EPHA5: variants seen among roughly 807,000 people sequenced by gnomAD.
EPHA5 encodes EPH receptor A5.
Under a neutral mutation model 105.0 loss-of-function variants are expected in EPHA5, and 60 were observed. The ratio of observed to expected loss-of-function variants is 0.57; its 90% CI spans 0.46 to 0.71. EPHA5 has a LOEUF of 0.71. Among genes scored for constraint, EPHA5 ranks in the 30% least tolerant of loss-of-function variants. The pLI is 0.00. For synonymous variants in EPHA5, 513 were observed against 449.1 expected, an observed-to-expected ratio of 1.14 and a Z score of -1.80; for missense variants, 1,218 against 1,274.7, an observed-to-expected ratio of 0.96 and a Z score of 0.68.
At chr4:65,337,060 C>T (rs993637743) in intron 14 of EPHA5, among the ~76,000 whole-genome samples, 1 of 151,862 alleles carries the variant, frequency 6.6e-6, no homozygotes, top group Non-Finnish European at 1.5e-5. Flanking sequence ...AGGAAATTTA[C>T]AAAGATAATT....
intron 16 of EPHA5, among the ~76,000 whole-genome samples, chr4:65,328,079 T>C (rs1577815701): frequency 6.6e-6 from 1 of 151,216 alleles, no homozygotes; most frequent in East Asian, 1.9e-4. Context: ...CTTAAGTATG[T>C]TCCCATTATA....
At chr4:65,455,462 T>A (rs1270662857) in intron 5 of EPHA5, among the ~76,000 whole-genome samples, 1 of 152,090 alleles carries the variant, frequency 6.6e-6, no homozygotes, top group Non-Finnish European at 1.5e-5. Flanking sequence ...TATTGATCAT[T>A]TCTTAGTGGT....
chr4:65,651,638 C>T (rs1458286332), intron 1 of EPHA5, among the ~76,000 whole-genome samples: 1 of 151,906 alleles, frequency 6.6e-6, no homozygotes, highest in African/African-American at 2.4e-5. Context: ...TTTTTTATTT[C>T]AAAATATTTT....
intron 5 of EPHA5, among the ~76,000 whole-genome samples, chr4:65,469,656 G>T (rs1452666446): frequency 3.3e-5 from 5 of 152,062 alleles, no homozygotes; most frequent in Non-Finnish European, 7.4e-5. Context: ...CACAGATTTT[G>T]TCTCTGTTTC....
rs2149440300 is a variant in EPHA5, at chr4:65,602,065, A to T, written c.486T>A (p.Asn162Lys). 6.2e-7 allele frequency: 1 copy of T among 1,614,066 alleles called. No homozygotes were observed. The highest frequency in any genetic ancestry group is 2.2e-5 in the East Asian group (1 of 44,870). ...NMYYFESDDQNGRNIKENQYI... is the reference protein window; with the variant it reads ...NMYYFESDDQKGRNIKENQYI... ...ATTGGTTTTCCTTGATGTTTCTCCC[A>T]TTCTGATCATCTGACTCAAAGTAAT... The change falls in exon 3 of 17, where the codon AAT (asparagine) becomes AAA (lysine). Residue 162 changes from asparagine to lysine, a missense_variant. Asn to Lys is a moderately conservative substitution (Grantham distance 94, BLOSUM62 0). This residue lies in a region of EPHA5 where 233 missense variants were observed against 227.5 expected (regional missense o/e 1.02). Transcript: ENST00000613740.
intron 3 of EPHA5, among the ~76,000 whole-genome samples, chr4:65,507,541 A>C (rs533223747): frequency 4.3e-4 from 65 of 151,988 alleles, no homozygotes; most frequent in Middle Eastern, 3.4e-3. Flanking sequence ...CTTTTATTTC[A>C]TTGAGCAGTG....
At position 65,669,691 on chromosome 4, in the gene EPHA5, C is replaced by T. The variant is rs768337164; in HGVS notation, c.52G>A (p.Gly18Ser). ...GCTGGGGTGATGGGGGTGTCGCCGC[C>T]GCCGCTTGGGGGCCGCCGGCGTCCC... ...GAGRRRPPSG[G>S]GDTPITPASL... is the part of the protein sequence containing the mutation. Residue 18 changes from glycine to serine, a missense_variant, in exon 1 of 17, where the codon GGC becomes AGC. Coordinates refer to ENST00000613740, the MANE Select transcript of EPHA5 (RefSeq NM_001281766.3). The T allele has an allele frequency of 6.1e-6, 8 of 1,311,740 alleles. No homozygotes were observed. In the East Asian group the frequency reaches 1.2e-4, roughly 19 times the overall value. 81.3% of individuals were successfully genotyped at this position (1,311,740 alleles called of 1,614,324 possible).
At position 65,518,900 on chromosome 4, in the gene EPHA5, G is replaced by T. The variant is rs1232336647; in HGVS notation, c.911-23357C>A. ...CTACCAGAGGTACGAGGAGGAGCTG[G>T]TATCATTCCTTCTGAAACTATTCCA... On this transcript the variant is annotated intron_variant, in intron 3 of 16. Coordinates refer to ENST00000613740, the MANE Select transcript of EPHA5 (RefSeq NM_001281766.3). Among the ~76,000 whole-genome samples the T allele has an allele frequency of 4.6e-5, 7 of 152,058 alleles. No homozygotes were observed. The East Asian group carries it at 1.4e-3, about 29-fold the overall frequency.
chr4:65,383,969 G>T (rs985332657), intron 8 of EPHA5, among the ~76,000 whole-genome samples: 1 of 151,762 alleles, frequency 6.6e-6, no homozygotes, highest in African/African-American at 2.4e-5. Flanking sequence ...TTTTTAAAAA[G>T]AAAATCTTGC....
intron 3 of EPHA5, among the ~76,000 whole-genome samples, chr4:65,532,319 T>A (rs1735883956): frequency 6.6e-6 from 1 of 152,058 alleles, no homozygotes; most frequent in Non-Finnish European, 1.5e-5. Context: ...CACTTAACTA[T>A]CGTCATTCTC....
chr4:65,622,821 G>T (rs1043408813), intron 2 of EPHA5, among the ~76,000 whole-genome samples: 6 of 152,008 alleles, frequency 3.9e-5, no homozygotes, highest in Middle Eastern at 3.4e-3. Flanking sequence ...CTCTTAGAAG[G>T]GACTTGGTCT....
At chr4:65,439,479 A>G (rs1725811259) in intron 5 of EPHA5, among the ~76,000 whole-genome samples, 2 of 146,476 alleles carry the variant, frequency 1.4e-5, no homozygotes, top group African/African-American at 2.5e-5. Context: ...ACCAAGTATC[A>G]GAATCAACCA....
At chr4:65,326,373 T>C (rs1720082401) in intron 16 of EPHA5, among the ~76,000 whole-genome samples, 1 of 151,316 alleles carries the variant, frequency 6.6e-6, no homozygotes, top group Admixed American at 6.6e-5. Context: ...TCAAATTATA[T>C]GCAGTAATTT....
intron 8 of EPHA5, among the ~76,000 whole-genome samples, chr4:65,378,799 T>G (rs1252537437): frequency 6.6e-6 from 1 of 151,922 alleles, no homozygotes; most frequent in Non-Finnish European, 1.5e-5. Context: ...TCTTTTTTAT[T>G]TTTTTGCATG....
chr4:65,556,224 G>C (rs1430415598), intron 3 of EPHA5, among the ~76,000 whole-genome samples: 1 of 152,126 alleles, frequency 6.6e-6, no homozygotes, highest in African/African-American at 2.4e-5. Flanking sequence ...TTCACCACCA[G>C]TTGAATTAAA....
Position 65,639,228 on chromosome 4 carries a change from T to C in EPHA5, c.246+4135A>G, listed in dbSNP as rs1015032058. Among the ~76,000 whole-genome samples the C allele has an allele frequency of 2.6e-5, 4 of 152,250 alleles. No homozygotes were observed. The South Asian group carries it at 8.3e-4, about 31-fold the overall frequency. On this transcript the variant is annotated intron_variant, in intron 2 of 16. Transcript: ENST00000613740. ...TCAGAAAAAATATGTAGGTTGCATA[T>C]GTGTAAAACCTATTTCTAAAGTTAT...
intron 2 of EPHA5, among the ~76,000 whole-genome samples, chr4:65,622,106 T>G (rs1745753948): frequency 6.6e-6 from 1 of 152,180 alleles, no homozygotes; most frequent in Admixed American, 6.5e-5. Flanking sequence ...TGGGAATACT[T>G]ACATTACTCC....
chr4:65,367,336 TA>T lies in EPHA5; in HGVS notation c.1861+20del. On this transcript the variant is annotated intron_variant, in intron 9 of 16. Coordinates refer to ENST00000613740, the MANE Select transcript of EPHA5 (RefSeq NM_001281766.3). ...AGTGTCCCCTATTTTATTCTATTTTTATTTTTTACAATTTGCTTACTGTGCC... is the reference window on the plus strand; with the variant it reads ...AGTGTCCCCTATTTTATTCTATTTTTTTTTTTACAATTTGCTTACTGTGCC... The T allele has an allele frequency of 4.4e-6, 7 of 1,597,826 alleles. No individual in the cohort carries two copies. Among genetic ancestry groups the T allele is most frequent in the Non-Finnish European group, 6.0e-6 (7 of 1,169,364 alleles).
At chr4:65,654,807 A>T (rs1283133772) in intron 1 of EPHA5, among the ~76,000 whole-genome samples, 1 of 147,190 alleles carries the variant, frequency 6.8e-6, no homozygotes, top group East Asian at 2.0e-4. Flanking sequence ...ATCCTAAATT[A>T]GATAGGATAT....
Sources: gnomAD v4.1 joint callset for allele counts (sites outside exome capture counted in the v4.1 genomes callset) on GRCh38, gnomAD v4.1.1 for gene constraint, gnomAD v4.1.1 regional missense constraint, MANE v1.5 for transcripts, NCBI Gene and HGNC (gene_info 2026-07-23, HGNC 2026-07-21) for gene names.